CLASP1: variants seen among roughly 807,000 people sequenced by gnomAD.
The protein encoded by CLASP1 is CLIP-associating protein 1.
CLASP1 carries 38 observed loss-of-function variants against 192.3 expected under a neutral mutation model. The ratio of observed to expected loss-of-function variants is 0.20; its 90% CI spans 0.15 to 0.26. The LOEUF (loss-of-function observed/expected upper bound fraction) is 0.26, where lower values mean the gene tolerates loss of function less well. Among genes scored for constraint, CLASP1 ranks in the 10% least tolerant of loss-of-function variants. CLASP1 has a pLI of 1.00. For synonymous variants in CLASP1, 691 were observed against 712.8 expected (o/e 0.97, Z 0.49); for missense variants, 1,433 against 1,932.5 (o/e 0.74, Z 4.85).
chr2:121,342,819 G>C (rs1341083194), intron 39 of CLASP1, among the ~76,000 whole-genome samples: 2 of 152,114 alleles, frequency 1.3e-5, no homozygotes, highest in Non-Finnish European at 2.9e-5. Context: ...TGTAATCCCA[G>C]CTACTTGGGG....
At chr2:121,389,771 A>G (rs1029040804) in intron 30 of CLASP1, among the ~76,000 whole-genome samples, 5 of 152,242 alleles carry the variant, frequency 3.3e-5, no homozygotes, top group Non-Finnish European at 7.3e-5. Context: ...GATGCAAATT[A>G]TTAACTTAGA....
rs905928272 is a variant in CLASP1 at position 121,531,000 on chromosome 2, T to C, written c.196-675A>G. On this transcript the variant is annotated intron_variant, in intron 2 of 39. Coordinates refer to ENST00000263710, the Ensembl canonical transcript of CLASP1. ...CTTTTGCTTTATTTTGGTGCAATTT[T>C]TGGAAAAATGAAAACCTGTTTTCAT... 1.1e-5 allele frequency: 8 copies of C among 700,276 alleles called. No individual in the cohort carries two copies. The highest frequency in any genetic ancestry group is 4.0e-5 in the Admixed American group (2 of 49,982). The allele number at this position is 700,276 out of a possible 1,614,324, so 43.4% of individuals were successfully genotyped here.
intron 28 of CLASP1, among the ~76,000 whole-genome samples, 187 bp downstream of exon 29, chr2:121,401,322 A>G (rs2076129160): frequency 1.3e-5 from 2 of 152,234 alleles, no homozygotes; most frequent in Admixed American, 1.3e-4. Context: ...AACACAAGGA[A>G]GATATGGTAT....
chr2:121,370,010 T>C (rs2068272017), intron 34 of CLASP1, among the ~76,000 whole-genome samples: 1 of 152,202 alleles, frequency 6.6e-6, no homozygotes, highest in Admixed American at 6.5e-5. Flanking sequence ...AATGTTGTAA[T>C]TTCTATTAAA....
intron 2 of CLASP1, among the ~76,000 whole-genome samples, chr2:121,575,646 T>C (rs1216320711): frequency 6.6e-6 from 1 of 152,136 alleles, no homozygotes; most frequent in Non-Finnish European, 1.5e-5. Context: ...TGACGTAAAG[T>C]GGTCTGCCCA....
At chr2:121,468,675 G>A (rs1228649059) in intron 9 of CLASP1, among the ~76,000 whole-genome samples, 2 of 152,142 alleles carry the variant, frequency 1.3e-5, no homozygotes, top group African/African-American at 4.8e-5. Flanking sequence ...AAGCTTTTGG[G>A]CTGAGACAAT....
At chr2:121,563,047 A>G (rs1304448429) in intron 2 of CLASP1, among the ~76,000 whole-genome samples, 2 of 152,096 alleles carry the variant, frequency 1.3e-5, no homozygotes, top group Non-Finnish European at 2.9e-5. Context: ...TACCTGCCCC[A>G]TCTGGTGTCA....
intron 34 of CLASP1, among the ~76,000 whole-genome samples, chr2:121,376,531 G>C (rs1008923027): frequency 2.4e-4 from 36 of 151,922 alleles, no homozygotes; most frequent in African/African-American, 8.7e-4. Flanking sequence ...AGGGGTGGGG[G>C]GGGGGTCGGG....
chr2:121,354,442 T>TG (rs2065042516), intron 37 of CLASP1, among the ~76,000 whole-genome samples: 1 of 152,204 alleles, frequency 6.6e-6, no homozygotes, highest in South Asian at 2.1e-4. Context: ...TCTCAGAGTC[T>TG]GTGTGTGTTT....
intron 2 of CLASP1, among the ~76,000 whole-genome samples, chr2:121,579,970 G>A (rs2060949978): frequency 6.6e-6 from 1 of 152,176 alleles, no homozygotes; most frequent in East Asian, 1.9e-4. Context: ...AACAGTTCAA[G>A]TATTAAATGT....
chr2:121,631,309 A>G (rs112578196), intron 1 of CLASP1, among the ~76,000 whole-genome samples: 31,097 of 138,064 alleles, frequency 0.23, 5,517 homozygotes, highest in African/African-American at 0.5. Context: ...TTTTTTTTGA[A>G]ATGGAGTCTC....
intron 1 of CLASP1, among the ~76,000 whole-genome samples, chr2:121,610,853 AGG>A (rs2065271482): frequency 6.8e-6 from 1 of 147,686 alleles, no homozygotes; most frequent in African/African-American, 2.5e-5. Flanking sequence ...CTGGAGGAGG[AGG>A]AGGAGTTACA....
intron 22 of CLASP1, among the ~76,000 whole-genome samples, chr2:121,421,603 C>A (rs899783238): frequency 6.7e-6 from 1 of 149,654 alleles, no homozygotes; most frequent in Admixed American, 6.6e-5. Flanking sequence ...GAATGTGTGG[C>A]GCAATCTCGG....
At chr2:121,646,231 T>C (rs897010796) in intron 1 of CLASP1, among the ~76,000 whole-genome samples, 3 of 151,926 alleles carry the variant, frequency 2.0e-5, no homozygotes, top group African/African-American at 7.3e-5. Flanking sequence ...TCCCACCTCA[T>C]CCCCCCAAGT....
At chr2:121,631,171 A>AAG (rs1553679064) in intron 1 of CLASP1, among the ~76,000 whole-genome samples, 1 of 150,774 alleles carries the variant, frequency 6.6e-6, no homozygotes, top group East Asian at 1.9e-4. Flanking sequence ...AAAAAAAAAA[A>AAG]AAAAAAAAAA....
intron 9 of CLASP1, among the ~76,000 whole-genome samples, chr2:121,468,484 C>T (rs1391623358): frequency 6.6e-6 from 1 of 152,042 alleles, no homozygotes; most frequent in African/African-American, 2.4e-5. Flanking sequence ...TTGAGGAAAT[C>T]CTTCACTTCC....
chr2:121,416,763 A>G (rs1450426196), intron 23 of CLASP1, among the ~76,000 whole-genome samples: 1 of 152,182 alleles, frequency 6.6e-6, no homozygotes, highest in East Asian at 1.9e-4. Flanking sequence ...TTGAAGTCAA[A>G]CCTGAATTCA....
At chr2:121,474,021 G>C (rs2091222623) in intron 8 of CLASP1, among the ~76,000 whole-genome samples, 1 of 152,172 alleles carries the variant, frequency 6.6e-6, no homozygotes, top group Non-Finnish European at 1.5e-5. Context: ...AGTAGATACA[G>C]TAAATATGTG....
At chr2:121,544,535 T>C (rs2095293329) in intron 2 of CLASP1, among the ~76,000 whole-genome samples, 2 of 151,986 alleles carry the variant, frequency 1.3e-5, no homozygotes, top group Non-Finnish European at 2.9e-5. Context: ...TCTAAATTCA[T>C]GCAATACATG....
Sources: gnomAD v4.1 joint callset for allele counts (sites outside exome capture counted in the v4.1 genomes callset) on GRCh38, gnomAD v4.1.1 for gene constraint, MANE v1.5 for transcripts, NCBI Gene and HGNC (gene_info 2026-07-23, HGNC 2026-07-21) for gene names.